The following PITPNM2 variants were observed in gnomAD, a reference collection of about 807,000 sequenced individuals.
PITPNM2 encodes membrane-associated phosphatidylinositol transfer protein 2.
Under a neutral mutation model 132.2 loss-of-function variants are expected in PITPNM2, and 35 were observed. The observed-to-expected ratio is 0.26, with a 90% CI of 0.20 to 0.35. The LOEUF is 0.35. PITPNM2 is among the 10% of genes least tolerant of loss of function. The probability of loss-of-function intolerance (pLI) is 1.00; values close to 1 mark genes in which losing one functional copy is unlikely to be tolerated. For missense variants in PITPNM2, 1,332 were observed against 1,912.0 expected, an observed-to-expected ratio of 0.70 and a Z score of 5.66; for synonymous variants, 738 against 799.2, an observed-to-expected ratio of 0.92 and a Z score of 1.29.
At position 123,082,337 on chromosome 12, in the gene PITPNM2, T is replaced by A. The variant is rs535449270; in HGVS notation, c.-96+28048A>T. 6.6e-6 allele frequency among the ~76,000 whole-genome samples: 1 copy of A among 152,344 alleles called. No homozygotes were observed. Among genetic ancestry groups the A allele is most frequent in the South Asian group, 2.1e-4 (1 of 4,832 alleles). The stretch of plus-strand genomic sequence containing the variant: ...TGGCATTCCTCTGACCCTTTCTAAT[T>A]TTCTTCAGAGCGTTGATCGTTATCT... On this transcript the variant is annotated intron_variant, in intron 2 of 25. Transcript: ENST00000320201. This position sits in a 1 kb window ranked among gnomAD's most constrained non-coding sequence, Gnocchi z 5.4.
At position 123,029,825 on chromosome 12, in the gene PITPNM2, GTC is replaced by G. The variant is rs764663394; in HGVS notation, c.78+4686_78+4687del. ...ATGTTGTGTGTGGACACACATATGT[GTC>G]TGTGTGTGTGTGTGTGTGTGTGTGT... On this transcript the variant is annotated intron_variant, in intron 3 of 25. Transcript: ENST00000320201. Among the ~76,000 whole-genome samples the G allele has an allele frequency of 3.4e-3, 382 of 112,070 alleles. 1 individual carries two copies. Among genetic ancestry groups the G allele is most frequent in the African/African-American group, 0.025 (351 of 14,150 alleles). 73.5% of individuals were successfully genotyped at this position (112,070 alleles called of 152,430 possible).
intron 3 of PITPNM2, chr12:123,021,934 G>T (rs2039685278): frequency 6.5e-6 from 1 of 154,274 alleles, no homozygotes; most frequent in African/African-American, 2.4e-5. Context: ...CACAGGATGA[G>T]CTCAGGTTGT....
In PITPNM2 at chr12:123,005,658, T is replaced by C; in HGVS notation, c.644-110A>G. 1 of 1,123,972 alleles carries C rather than the reference T, an allele frequency of 8.9e-7. No homozygotes were observed. Among genetic ancestry groups the C allele is most frequent in the Non-Finnish European group, 1.3e-6 (1 of 789,224 alleles). 69.6% of individuals were successfully genotyped at this position (1,123,972 alleles called of 1,614,324 possible). The stretch of plus-strand genomic sequence containing the variant: ...GGGGCTTTGGGAGGCTGTACCCATG[T>C]TGCAGGTCAAACTAAAGTCACTGCC... On this transcript the variant is annotated intron_variant, in intron 6 of 25. Coordinates refer to ENST00000320201, the MANE Select transcript of PITPNM2 (RefSeq NM_020845.3). The surrounding 1 kb of genome is among the most constrained non-coding windows in gnomAD (Gnocchi z 6.2).
intron 1 of PITPNM2, among the ~76,000 whole-genome samples, chr12:123,148,559 A>G (rs2043664964): frequency 6.6e-6 from 1 of 152,240 alleles, no homozygotes; most frequent in African/African-American, 2.4e-5. Flanking sequence ...TTAGGAGAGC[A>G]TCTATCTGCT....
At chr12:123,086,845 G>A (rs566876016) in intron 2 of PITPNM2, among the ~76,000 whole-genome samples, 40 of 152,308 alleles carry the variant, frequency 2.6e-4, no homozygotes, top group Middle Eastern at 3.4e-3. Flanking sequence ...TCTGACTTCC[G>A]GACATGAGCC....
upstream of PITPNM2, among the ~76,000 whole-genome samples, chr12:123,151,602 C>G (rs1565886637): frequency 6.6e-6 from 1 of 152,182 alleles, no homozygotes; most frequent in Middle Eastern, 3.4e-3. Flanking sequence ...GCCCAGGGAA[C>G]GGCAGAGCCG....
chr12:123,057,380 C>G (rs1319510121), intron 2 of PITPNM2, among the ~76,000 whole-genome samples: 1 of 92,228 alleles, frequency 1.1e-5, no homozygotes, highest in Non-Finnish European at 2.4e-5. Flanking sequence ...AACTCTATCT[C>G]AAAAAAAAAA....
intron 10 of PITPNM2, among the ~76,000 whole-genome samples, chr12:122,997,929 G>A (rs2038500266): frequency 6.6e-6 from 1 of 152,228 alleles, no homozygotes; most frequent in Non-Finnish European, 1.5e-5. Context: ...CCGGGCAGTG[G>A]CTTCTGGGGC....
chr12:123,096,593 A>T (rs915384060), intron 2 of PITPNM2, among the ~76,000 whole-genome samples: 4 of 152,186 alleles, frequency 2.6e-5, no homozygotes, highest in Non-Finnish European at 5.9e-5. Context: ...GGAAGGTGTG[A>T]GGAAGGAGCA....
intron 13 of PITPNM2, among the ~76,000 whole-genome samples, chr12:122,996,192 C>T (rs1258170599): frequency 6.6e-6 from 1 of 152,244 alleles, no homozygotes; most frequent in Non-Finnish European, 1.5e-5. Context: ...TTCCTCAGCT[C>T]CCCTGCACCC....
chr12:123,059,652 A>G (rs779258290), intron 2 of PITPNM2, among the ~76,000 whole-genome samples: 1 of 152,208 alleles, frequency 6.6e-6, no homozygotes, highest in Non-Finnish European at 1.5e-5. Flanking sequence ...AGGGCCATAG[A>G]GCAGGAAATA....
intron 3 of PITPNM2, among the ~76,000 whole-genome samples, chr12:123,028,594 G>C (rs2039952705): frequency 6.6e-6 from 1 of 152,200 alleles, no homozygotes; most frequent in Non-Finnish European, 1.5e-5. Context: ...GGCACAGGAA[G>C]TGCACAGGAA....
At chr12:123,107,390 C>G (rs1307307060) in intron 2 of PITPNM2, among the ~76,000 whole-genome samples, 1 of 152,232 alleles carries the variant, frequency 6.6e-6, no homozygotes. Flanking sequence ...GGACCCTCCT[C>G]TTTAAGGCAG....
At position 122,989,817 on chromosome 12, in the gene PITPNM2, G is replaced by A. The variant is rs148481510; in HGVS notation, c.2701C>T (p.Pro901Ser). The A allele has an allele frequency of 5.1e-4, 720 of 1,406,118 alleles. 1 individual carries two copies. The highest frequency in any genetic ancestry group is 6.6e-4 in the Non-Finnish European group (708 of 1,077,074). 87.1% of individuals were successfully genotyped at this position (1,406,118 alleles called of 1,614,324 possible). The change falls in exon 18 of 26, where the codon CCT (proline) becomes TCT (serine). Residue 901 changes from proline to serine, a missense_variant. By Grantham distance (74) the Pro-to-Ser change is moderately conservative (BLOSUM62 -1). This residue lies in a region of PITPNM2 where 710 missense variants were observed against 911.5 expected (regional missense o/e 0.78). Coordinates refer to ENST00000320201, the MANE Select transcript of PITPNM2 (RefSeq NM_020845.3). ...CCAATGTCCAGCTCAGGGAGGCCAGGGGCCCTCTCCAGGCCAGGGCTTGCC... is the reference window on the plus strand; with the variant it reads ...CCAATGTCCAGCTCAGGGAGGCCAGAGGCCCTCTCCAGGCCAGGGCTTGCC... Reference protein sequence around the residue: ...RKASPGLERAPGLPELDIGEV... With the variant: ...RKASPGLERASGLPELDIGEV...
chr12:123,119,201 T>C (rs1456422202), intron 1 of PITPNM2, among the ~76,000 whole-genome samples: 1 of 152,216 alleles, frequency 6.6e-6, no homozygotes. Flanking sequence ...AATGATCTCC[T>C]GGGACTGCTG....
At position 123,004,294 on chromosome 12, in the gene PITPNM2, C is replaced by A. The variant is rs1592933644; in HGVS notation, c.1048+100G>T. 6.4e-6 allele frequency: 7 copies of A among 1,096,066 alleles called. No homozygotes were observed. In the East Asian group the frequency reaches 1.7e-4, roughly 27 times the overall value. 67.9% of individuals were successfully genotyped at this position (1,096,066 alleles called of 1,614,324 possible). On this transcript the variant is annotated intron_variant, in intron 8 of 25. Transcript: ENST00000320201. The surrounding 1 kb of genome is among the most constrained non-coding windows in gnomAD (Gnocchi z 4.9). ...GGACTGGATATAGAATAGTAACAGG[C>A]AACACCCGCATCAGTCCACACCCAC...
At chr12:123,059,779 A>T (rs1477788419) in intron 2 of PITPNM2, among the ~76,000 whole-genome samples, 1 of 152,190 alleles carries the variant, frequency 6.6e-6, no homozygotes. Flanking sequence ...CCATAGAGCT[A>T]GGATGCAGAC....
At chr12:123,045,984 C>T (rs2040641086) in intron 2 of PITPNM2, among the ~76,000 whole-genome samples, 1 of 152,100 alleles carries the variant, frequency 6.6e-6, no homozygotes, top group Non-Finnish European at 1.5e-5. Flanking sequence ...CCCTTTAGCT[C>T]AGAGAAATTG....
At position 122,987,343 on chromosome 12, in the gene PITPNM2, G is replaced by A. The variant is rs770790318; in HGVS notation, c.3351C>T (p.Ala1117=). ...CGCTGCCCATGATGGACACGCTAGCGGCAAAGGAACCGTCGATGCTGAAGA... is the reference window on the plus strand; with the variant it reads ...CGCTGCCCATGATGGACACGCTAGCAGCAAAGGAACCGTCGATGCTGAAGA... The part of the protein sequence containing the change: ...FVVFSIDGSF[A]ASVSIMGSDP... The change falls in exon 23 of 26, where the codon GCC becomes GCT. Residue 1117 remains alanine, a synonymous_variant. Coordinates refer to ENST00000320201, the MANE Select transcript of PITPNM2 (RefSeq NM_020845.3). 1.3e-4 allele frequency: 216 copies of A among 1,612,740 alleles called. 3 individuals are homozygous for A. The highest frequency in any genetic ancestry group is 1.3e-3 in the South Asian group (114 of 91,032).
Sources: gnomAD v4.1 joint callset for allele counts (sites outside exome capture counted in the v4.1 genomes callset) on GRCh38, gnomAD v4.1.1 for gene constraint, gnomAD v4.1.1 regional missense constraint, Gnocchi (gnomAD v3.1) non-coding constraint, MANE v1.5 for transcripts, NCBI Gene and HGNC (gene_info 2026-07-23, HGNC 2026-07-21) for gene names.